The following UMODL1 variants were observed in gnomAD, a reference collection of about 807,000 sequenced individuals.
The protein encoded by UMODL1 is uromodulin-like 1.
In UMODL1, 128 loss-of-function variants were observed where a neutral mutation model predicts 136.3. The observed-to-expected ratio is 0.94, with a 90% CI of 0.81 to 1.09. The LOEUF is 1.09. Among genes scored for constraint, UMODL1 ranks in the 50% least tolerant of loss-of-function variants. The probability of loss-of-function intolerance (pLI) is 0.00; values close to 1 mark genes in which losing one functional copy is unlikely to be tolerated. For synonymous variants in UMODL1, 721 were observed against 720.0 expected (o/e 1.00, Z -0.02); for missense variants, 1,766 against 1,725.6 (o/e 1.02, Z -0.41).
At chr21:42,138,261 G>A (rs2839473) in intron 22 of UMODL1, among the ~76,000 whole-genome samples, 25,233 of 152,150 alleles carry the variant, frequency 0.17, 2,120 homozygotes, top group South Asian at 0.27. Context: ...GGGGTCTGAC[G>A]CCCTCAATTG....
At chr21:42,092,844 T>C (rs2066507810) in intron 6 of UMODL1, among the ~76,000 whole-genome samples, 1 of 133,596 alleles carries the variant, frequency 7.5e-6, no homozygotes, top group South Asian at 2.6e-4. Flanking sequence ...AGGCAACTAC[T>C]CTCCTTAAGC....
At position 42,085,223 on chromosome 21, in the gene UMODL1, C is replaced by G; in HGVS notation, c.482-68C>G. The G allele has an allele frequency of 6.4e-7, 1 of 1,571,042 alleles. No homozygotes were observed. The highest frequency in any genetic ancestry group is 8.7e-7 in the Non-Finnish European group (1 of 1,155,540). ...TGGTTCCCTCTCCTGCCCCCTCTCC[C>G]ACCCCAGCAGCTTTTGTGACTTCAA... is the stretch of plus-strand genomic sequence containing the variant. On this transcript the variant is annotated intron_variant, in intron 3 of 22. Transcript: ENST00000408910. This position sits in a 1 kb window ranked among gnomAD's most constrained non-coding sequence, Gnocchi z 4.5.
chr21:42,119,077 T>C, intron 14 of UMODL1, 34 bp from the exon 15 acceptor site: 1 of 1,600,866 alleles, frequency 6.2e-7, no homozygotes. Context: ...CCTCTCAGCG[T>C]GGGGACCTCC....
chr21:42,102,155 G>A lies in UMODL1; in HGVS notation c.1187-11G>A. 1.2e-6 allele frequency: 2 copies of A among 1,603,232 alleles called. No homozygotes were observed. The highest frequency in any genetic ancestry group is 1.7e-6 in the Non-Finnish European group (2 of 1,171,530). Reference sequence around the variant, plus strand: ...TGACCACAGGCTAATTTGTTTCACTGTCTGTCTCAGATGCCCAGGTATTTG... The same window carrying A: ...TGACCACAGGCTAATTTGTTTCACTATCTGTCTCAGATGCCCAGGTATTTG... On this transcript the variant is annotated splice_polypyrimidine_tract_variant and intron_variant, in intron 7 of 22. Coordinates refer to ENST00000408910, the MANE Select transcript of UMODL1 (RefSeq NM_001004416.3).
chr21:42,123,216 C>CTCCCACA lies in UMODL1; in HGVS notation c.3147+68_3147+69insCCACATC. 1 of 1,521,300 alleles carries CTCCCACA rather than the reference C, an allele frequency of 6.6e-7. No individual in the cohort carries two copies. Among genetic ancestry groups the CTCCCACA allele is most frequent in the Non-Finnish European group, 8.9e-7 (1 of 1,127,656 alleles). 94.2% of individuals were successfully genotyped at this position (1,521,300 alleles called of 1,614,324 possible). On this transcript the variant is annotated intron_variant, in intron 17 of 22. Transcript: ENST00000408910. The surrounding 1 kb of genome is among the most constrained non-coding windows in gnomAD (Gnocchi z 4.4). ...GCAAGGGGCTCTAGGTTACATGGGC[C>CTCCCACA]TCGATGTGGGAGGGCCAGGCAAGAC... is the stretch of plus-strand genomic sequence containing the variant.
At chr21:42,070,559 TTGCATGCG>T (rs2066220868), upstream of UMODL1, among the ~76,000 whole-genome samples, 1 of 152,246 alleles carries the variant, frequency 6.6e-6, no homozygotes, top group South Asian at 2.1e-4. Context: ...GGAGATGAAA[TTGCATGCG>T]TTGCTGTTTT....
At chr21:42,082,769 C>T (rs141829515) in intron 2 of UMODL1, among the ~76,000 whole-genome samples, 9 of 152,358 alleles carry the variant, frequency 5.9e-5, no homozygotes, top group East Asian at 3.9e-4. Context: ...ATCGGGCACA[C>T]GCTCTGCTGT....
In UMODL1 at chr21:42,090,381, G is replaced by T. The variant is rs749554676; in HGVS notation, c.874G>T (p.Val292Phe). 8.7e-6 allele frequency: 14 copies of T among 1,613,914 alleles called. No homozygotes were observed. Among genetic ancestry groups the T allele is most frequent in the Middle Eastern group, 1.6e-4 (1 of 6,084 alleles). Residue 292 changes from valine to phenylalanine, a missense_variant, in exon 6 of 23, where the codon GTC (valine) becomes TTC (phenylalanine). Physicochemically the swap from Val to Phe is conservative, Grantham distance 50. Coordinates refer to ENST00000408910, the MANE Select transcript of UMODL1 (RefSeq NM_001004416.3). ...CANLEGSYWC[V>F]CHQEAPATSP... ...AAACCTGGAGGGCTCGTACTGGTGC[G>T]TCTGTCACCAGGAAGCTCCAGCCAC...
At position 42,142,098 on chromosome 21, in the gene UMODL1, C is replaced by T. The variant is rs901297416; in HGVS notation, c.*24C>T. 14 of 152,248 alleles carry T rather than the reference C, an allele frequency of 9.2e-5. No individual in the cohort carries two copies. Among genetic ancestry groups the T allele is most frequent in the African/African-American group, 2.7e-4 (11 of 41,450 alleles). The allele number at this position is 152,248 out of a possible 1,614,324, so 9.4% of individuals were successfully genotyped here. The stretch of plus-strand genomic sequence containing the variant: ...AGGTGACCTCTTCCTCCACACAGGT[C>T]GCCGTGAGTCAAGCTGCCTCCAGAA... On this transcript the variant is annotated splice_region_variant and 3_prime_UTR_variant, in exon 23 of 23. Transcript: ENST00000408910.
At chr21:42,063,952 G>A (rs769850370) in intron 1 of UMODL1, among the ~76,000 whole-genome samples, 6 of 152,138 alleles carry the variant, frequency 3.9e-5, no homozygotes, top group African/African-American at 7.2e-5. Context: ...GTTTATTTGG[G>A]GTGAAAAACA....
chr21:42,119,351 C>T, intron 15 of UMODL1, 27 bp downstream of exon 15: 2 of 1,604,006 alleles, frequency 1.2e-6, no homozygotes, highest in Non-Finnish European at 1.7e-6. Flanking sequence ...TGGAGCCTCT[C>T]CCGTGTTCTG....
intron 7 of UMODL1, chr21:42,101,747 T>G (rs780070594): frequency 2.2e-6 from 1 of 456,728 alleles, no homozygotes; most frequent in Non-Finnish European, 4.4e-6. Flanking sequence ...AGCTAAATTC[T>G]GGAACCTCCC....
chr21:42,124,606 G>A (rs951614254), intron 17 of UMODL1, among the ~76,000 whole-genome samples: 1 of 152,240 alleles, frequency 6.6e-6, no homozygotes, highest in South Asian at 2.1e-4. Flanking sequence ...GGAAAGTGGG[G>A]CTGTGGATGG....
chr21:42,074,381 G>A (rs1323874087), intron 1 of UMODL1, among the ~76,000 whole-genome samples: 1 of 152,192 alleles, frequency 6.6e-6, no homozygotes, highest in East Asian at 1.9e-4. Context: ...AGACATTACT[G>A]CAGATAAGGT....
chr21:42,109,542 A>AC lies in UMODL1; in HGVS notation c.1520-20_1520-19insC, dbSNP rs11371744. 354,010 of 1,607,854 alleles carry AC rather than the reference A, an allele frequency of 0.22. 39,837 individuals carry two copies. The highest frequency in any genetic ancestry group is 0.31 in the Middle Eastern group (1,851 of 6,054). The stretch of plus-strand genomic sequence containing the variant: ...TTTGGCTGTTTTCTCATGGGTTTTG[A>AC]TTGTGTCTCCCCCTGGCAGACTGGG... On this transcript the variant is annotated intron_variant, in intron 9 of 22. Transcript: ENST00000408910.
intron 22 of UMODL1, among the ~76,000 whole-genome samples, chr21:42,140,196 G>A (rs1394471967): frequency 6.6e-6 from 1 of 152,210 alleles, no homozygotes; most frequent in Non-Finnish European, 1.5e-5. Flanking sequence ...AAGAGGGGGT[G>A]GGCTGATGTT....
intron 4 of UMODL1, among the ~76,000 whole-genome samples, chr21:42,087,345 C>T (rs1247378685): frequency 6.6e-6 from 1 of 152,120 alleles, no homozygotes; most frequent in African/African-American, 2.4e-5. Context: ...GAAGGGGCTT[C>T]AAGTGTGTAT....
intron 10 of UMODL1, among the ~76,000 whole-genome samples, chr21:42,110,460 T>C (rs1202674477): frequency 6.6e-6 from 1 of 152,218 alleles, no homozygotes; most frequent in South Asian, 2.1e-4. Context: ...TCTGTTTTTC[T>C]CATTCGCCTA....
chr21:42,127,747 C>A lies in UMODL1; in HGVS notation c.3606C>A (p.Ile1202=). 6.2e-7 allele frequency: 1 copy of A among 1,614,222 alleles called. No individual in the cohort carries two copies. Among genetic ancestry groups the A allele is most frequent in the South Asian group, 1.1e-5 (1 of 91,076 alleles). The change falls in exon 20 of 23, where the codon ATC becomes ATA. Residue 1202 remains isoleucine (I), a synonymous_variant. Coordinates refer to ENST00000408910, the MANE Select transcript of UMODL1 (RefSeq NM_001004416.3). Reference sequence around the variant, plus strand: ...ATAAGGCCCAGTTCAAGCTGAGGATCTTTTCCTTTATCAACGACTCCATCG... The same window carrying A: ...ATAAGGCCCAGTTCAAGCTGAGGATATTTTCCTTTATCAACGACTCCATCG... ...NSNKAQFKLR[I]FSFINDSIVY... is the part of the protein sequence containing the mutation.
Sources: gnomAD v4.1 joint callset for allele counts (sites outside exome capture counted in the v4.1 genomes callset) on GRCh38, gnomAD v4.1.1 for gene constraint, Gnocchi (gnomAD v3.1) non-coding constraint, MANE v1.5 for transcripts, NCBI Gene and HGNC (gene_info 2026-07-23, HGNC 2026-07-21) for gene names.